ASMTL: variants seen among roughly 807,000 people sequenced by gnomAD.
The protein encoded by ASMTL is probable bifunctional dTTP/UTP pyrophosphatase/methyltransferase protein.
Under a neutral mutation model 60.3 loss-of-function variants are expected in ASMTL, and 57 were observed. That is an observed-to-expected ratio of 0.95 (90% CI 0.76 to 1.18). The LOEUF (loss-of-function observed/expected upper bound fraction) is 1.18, where lower values mean the gene tolerates loss of function less well. Among genes scored for constraint, ASMTL ranks in the 50% most tolerant of loss-of-function variants. ASMTL has a pLI of 0.00. For missense variants in ASMTL, 981 were observed against 852.6 expected (o/e 1.15, Z -1.88); for synonymous variants, 419 against 373.0 (o/e 1.12, Z -1.42).
chrX:1,424,587 C>G (rs188897184), intron 8 of ASMTL, among the ~76,000 whole-genome samples: 2,331 of 150,288 alleles, frequency 0.016, 69 homozygotes, highest in African/African-American at 0.055. Context: ...CATCCAGCCA[C>G]CCATCCACTC....
Position 1,427,926 on chromosome X carries a change from G to C in ASMTL, c.705C>G (p.Phe235Leu). 1 of 1,613,402 alleles carries C rather than the reference G, an allele frequency of 6.2e-7. No individual in the cohort carries two copies. Among genetic ancestry groups the C allele is most frequent in the Non-Finnish European group, 8.5e-7 (1 of 1,179,842 alleles). ...CCCCCTCCACGTCACTGAGGTCTTC[G>C]AAGGTGTCCGCGGCCGGGATGGAGT... Reference protein sequence around the residue: ...KHDSIPAADTFEDLSDVEGGG... With the variant: ...KHDSIPAADTLEDLSDVEGGG... The change falls in exon 7 of 13, where the codon TTC (phenylalanine) becomes TTG (leucine). Residue 235 changes from phenylalanine (F) to leucine (L), a missense_variant. By Grantham distance (22) the Phe-to-Leu change is conservative. Transcript: ENST00000381317.
intron 5 of ASMTL, among the ~76,000 whole-genome samples, chrX:1,432,900 C>T (rs866987563): frequency 3.8e-3 from 562 of 148,404 alleles, no homozygotes; most frequent in South Asian, 0.015. Flanking sequence ...GGGTTCGAGA[C>T]CAGCCTGGCC....
chrX:1,421,830 GTGTTAC>G lies in ASMTL; in HGVS notation c.1067_1072del (p.Ser356_Asn357del). ...TGCCAGGTAGACGTTCGCTGTCTCTGTGTTACTGTAACCTGGAGAAATGGGGACAGT... is the reference window on the plus strand; with the variant it reads ...TGCCAGGTAGACGTTCGCTGTCTCTGTGTAACCTGGAGAAATGGGGACAGT... On this transcript the variant is annotated inframe_deletion, in exon 9 of 13. Coordinates refer to ENST00000381317, the MANE Select transcript of ASMTL (RefSeq NM_004192.4). 1 of 1,613,854 alleles carries G rather than the reference GTGTTAC, an allele frequency of 6.2e-7. No homozygotes were observed. The highest frequency in any genetic ancestry group is 8.5e-7 in the Non-Finnish European group (1 of 1,179,828).
At chrX:1,410,365 C>T (rs2089964143) in intron 12 of ASMTL, among the ~76,000 whole-genome samples, 2 of 151,862 alleles carry the variant, frequency 1.3e-5, no homozygotes, top group South Asian at 4.2e-4. Context: ...ATGATGACAA[C>T]ACTGCACTCC....
intron 12 of ASMTL, among the ~76,000 whole-genome samples, chrX:1,406,099 A>AATGG (rs1195548185): frequency 9.3e-6 from 1 of 107,428 alleles, no homozygotes; most frequent in Non-Finnish European, 2.1e-5. Context: ...TGGGTGAATA[A>AATGG]ATGGGTAGGT....
At chrX:1,407,783 G>T (rs1330699145) in intron 12 of ASMTL, among the ~76,000 whole-genome samples, 4 of 151,850 alleles carry the variant, frequency 2.6e-5, no homozygotes, top group Non-Finnish European at 5.9e-5. Context: ...GTGGAGAGAG[G>T]GAGGAAGAGA....
chrX:1,404,143 T>C (rs1252636698), intron 12 of ASMTL, among the ~76,000 whole-genome samples: 3 of 150,336 alleles, frequency 2.0e-5, no homozygotes, highest in African/African-American at 7.4e-5. Flanking sequence ...GTTGGGTGAA[T>C]AGATGGTAGA....
intron 12 of ASMTL, among the ~76,000 whole-genome samples, chrX:1,411,385 C>G (rs1406946285): frequency 2.6e-5 from 4 of 152,140 alleles, no homozygotes; most frequent in Admixed American, 1.3e-4. Flanking sequence ...CAACGCTGAA[C>G]TCTTGAGGGA....
intron 6 of ASMTL, chrX:1,432,009 C>A (rs2090803887): frequency 1.8e-6 from 1 of 551,992 alleles, no homozygotes; most frequent in Non-Finnish European, 3.2e-6. Context: ...CCCTGCCCAG[C>A]GCCTCCCCAG....
intron 12 of ASMTL, among the ~76,000 whole-genome samples, chrX:1,407,638 C>G (rs1335764387): frequency 2.0e-5 from 3 of 151,982 alleles, no homozygotes; most frequent in African/African-American, 4.8e-5. Context: ...AATCGCAGCA[C>G]TTTGGGAGGC....
chrX:1,452,948 C>G, upstream of ASMTL: 1 of 865,464 alleles, frequency 1.2e-6, no homozygotes, highest in Non-Finnish European at 1.7e-6. Context: ...CTCCGCGAGG[C>G]CACGCCCCCG....
chrX:1,452,834 G>A lies in ASMTL; in HGVS notation c.7C>T (p.Leu3=). The change falls in exon 1 of 13, where the codon CTG becomes TTG. Residue 3 remains leucine, a synonymous_variant. Transcript: ENST00000381317. MV[L]CPVIGKLLHK... ...AGCAGCTTCCCAATCACCGGGCACA[G>A]CACCATGGCGTCCACGCCGGGAGCC... 1 of 1,583,150 alleles carries A rather than the reference G, an allele frequency of 6.3e-7. No individual in the cohort carries two copies. The highest frequency in any genetic ancestry group is 8.5e-7 in the Non-Finnish European group (1 of 1,172,968).
intron 2 of ASMTL, 111 bp from the exon 3 acceptor site, chrX:1,439,255 C>A: frequency 9.0e-7 from 1 of 1,116,932 alleles, no homozygotes; most frequent in South Asian, 1.4e-5. Context: ...GCCAGGCCGA[C>A]TTTGGAAGTG....
At chrX:1,419,527 T>C (rs1257200393) in intron 9 of ASMTL, among the ~76,000 whole-genome samples, 1 of 151,838 alleles carries the variant, frequency 6.6e-6, no homozygotes, top group Non-Finnish European at 1.5e-5. Flanking sequence ...AATGGTGCGG[T>C]GTGCAGAGGG....
At chrX:1,416,537 G>GACACA (rs2090276654) in intron 11 of ASMTL, among the ~76,000 whole-genome samples, 1 of 83,468 alleles carries the variant, frequency 1.2e-5, no homozygotes. Context: ...ATGGGCACAC[G>GACACA]CACGGACACA....
At chrX:1,446,053 C>T (rs1346782032) in intron 1 of ASMTL, among the ~76,000 whole-genome samples, 7 of 152,184 alleles carry the variant, frequency 4.6e-5, no homozygotes, top group Non-Finnish European at 7.3e-5. Flanking sequence ...AGTGGTCACA[C>T]GCTCCTAGTC....
At chrX:1,443,539 G>A (rs1360208411) in intron 1 of ASMTL, among the ~76,000 whole-genome samples, 12 of 151,266 alleles carry the variant, frequency 7.9e-5, no homozygotes, top group African/African-American at 2.9e-4. Flanking sequence ...CCGCCATCTT[G>A]GACAGACACC....
chrX:1,449,700 C>A (rs758135533), intron 1 of ASMTL, among the ~76,000 whole-genome samples: 2 of 147,548 alleles, frequency 1.4e-5, no homozygotes, highest in East Asian at 2.0e-4. Context: ...CAGTAACTAC[C>A]CCCCATCACC....
intron 11 of ASMTL, among the ~76,000 whole-genome samples, chrX:1,415,962 G>C (rs1273491034): frequency 2.0e-5 from 3 of 151,846 alleles, no homozygotes; most frequent in Admixed American, 6.6e-5. Flanking sequence ...GCAGGACACA[G>C]ATACACTGAC....
Sources: gnomAD v4.1 joint callset for allele counts (sites outside exome capture counted in the v4.1 genomes callset) on GRCh38, gnomAD v4.1.1 for gene constraint, MANE v1.5 for transcripts, NCBI Gene and HGNC (gene_info 2026-07-23, HGNC 2026-07-21) for gene names.